UNC5D: variants seen among roughly 807,000 people sequenced by gnomAD.
UNC5D encodes the protein unc-5 netrin receptor D.
In UNC5D, 39 loss-of-function variants were observed where a neutral mutation model predicts 105.4. That is an observed-to-expected ratio of 0.37 (90% CI 0.29 to 0.48). UNC5D has a LOEUF of 0.48. UNC5D is among the 20% of genes least tolerant of loss of function. UNC5D has a pLI of 0.98. For missense variants in UNC5D, 991 were observed against 1,202.4 expected (o/e 0.82, Z 2.60); for synonymous variants, 452 against 450.4 (o/e 1.00, Z -0.04).
At chr8:35,741,161 A>C (rs1829739956) in intron 11 of UNC5D, among the ~76,000 whole-genome samples, 1 of 152,198 alleles carries the variant, frequency 6.6e-6, no homozygotes, top group South Asian at 2.1e-4. Flanking sequence ...GGTGATTTAC[A>C]CATGATTTGT....
chr8:35,273,653 A>T (rs1042843230), intron 1 of UNC5D, among the ~76,000 whole-genome samples: 2 of 152,206 alleles, frequency 1.3e-5, no homozygotes, highest in African/African-American at 4.8e-5. Flanking sequence ...GCTGAAACTC[A>T]GGAAAAAGAT....
At chr8:35,420,847 TA>T (rs1260573046) in intron 1 of UNC5D, among the ~76,000 whole-genome samples, 1 of 151,912 alleles carries the variant, frequency 6.6e-6, no homozygotes, top group Non-Finnish European at 1.5e-5. Context: ...AGGAGAACTA[TA>T]AAAAAATCAT....
chr8:35,388,933 A>C (rs1348653908), intron 1 of UNC5D, among the ~76,000 whole-genome samples: 1 of 152,216 alleles, frequency 6.6e-6, no homozygotes, highest in African/African-American at 2.4e-5. Context: ...TTGAAAGCCT[A>C]AGGTTTCCTA....
intron 1 of UNC5D, chr8:35,256,422 C>T (rs1804077646): frequency 6.6e-6 from 1 of 152,014 alleles, no homozygotes; most frequent in African/African-American, 2.4e-5. Flanking sequence ...CACCCATTAA[C>T]CCGTCATCTA....
intron 1 of UNC5D, among the ~76,000 whole-genome samples, chr8:35,332,747 C>T (rs184269427): frequency 5.3e-5 from 8 of 152,160 alleles, no homozygotes; most frequent in Non-Finnish European, 1.2e-4. Context: ...GTGCTAAATG[C>T]GTGCCGGTCC....
At chr8:35,681,338 T>A (rs1034636946) in intron 4 of UNC5D, among the ~76,000 whole-genome samples, 2 of 152,232 alleles carry the variant, frequency 1.3e-5, no homozygotes, top group Admixed American at 6.5e-5. Flanking sequence ...GTGGATTTAC[T>A]TATATTTCTA....
intron 3 of UNC5D, among the ~76,000 whole-genome samples, chr8:35,570,488 C>A (rs1817641086): frequency 6.6e-6 from 1 of 152,118 alleles, no homozygotes; most frequent in Admixed American, 6.5e-5. Flanking sequence ...ATTTGATTCT[C>A]CACCACCATC....
intron 1 of UNC5D, among the ~76,000 whole-genome samples, chr8:35,413,956 A>T (rs1391189643): frequency 2.6e-5 from 4 of 152,092 alleles, no homozygotes; most frequent in Non-Finnish European, 1.5e-5. Flanking sequence ...GAGGGCTTTT[A>T]AAAAAGACTT....
In UNC5D at chr8:35,792,358, G is replaced by T. The variant is rs1803082402; in HGVS notation, c.*1795G>T. The stretch of plus-strand genomic sequence containing the variant: ...GTGGTATGTATGGTCCCCTATATTA[G>T]ATAGAAGTCTTTGCTACATGTAATT... On this transcript the variant is annotated 3_prime_UTR_variant, in exon 17 of 17. Transcript: ENST00000404895. 1 of 152,242 alleles carries T rather than the reference G, an allele frequency of 6.6e-6. No homozygotes were observed. Among genetic ancestry groups the T allele is most frequent in the Non-Finnish European group, 1.5e-5 (1 of 68,174 alleles). The allele number at this position is 152,242 out of a possible 1,614,324, so 9.4% of individuals were successfully genotyped here. A position where few individuals can be genotyped will look rare whatever the true frequency, so the allele number is the denominator to read the frequency against.
chr8:35,620,621 C>T (rs1821308546), intron 4 of UNC5D, among the ~76,000 whole-genome samples: 3 of 152,136 alleles, frequency 2.0e-5, no homozygotes, highest in Admixed American at 2.0e-4. Flanking sequence ...TATGGTTTAC[C>T]TTATCTCCTG....
chr8:35,739,580 T>C (rs1261091056), intron 11 of UNC5D, among the ~76,000 whole-genome samples: 1 of 152,176 alleles, frequency 6.6e-6, no homozygotes, highest in African/African-American at 2.4e-5. Flanking sequence ...ATTGACAAGA[T>C]AACAATGGTT....
intron 10 of UNC5D, among the ~76,000 whole-genome samples, chr8:35,729,406 G>C (rs1317106094): frequency 6.6e-6 from 1 of 152,102 alleles, no homozygotes; most frequent in Non-Finnish European, 1.5e-5. Context: ...TGCTACACGA[G>C]TGGCATTGTG....
chr8:35,680,208 A>G (rs936948072), intron 4 of UNC5D, among the ~76,000 whole-genome samples: 3 of 152,200 alleles, frequency 2.0e-5, no homozygotes, highest in South Asian at 2.1e-4. Context: ...GGTATCAAAC[A>G]GTAGGTAAAA....
chr8:35,396,517 G>A (rs1804111487), intron 1 of UNC5D, among the ~76,000 whole-genome samples: 1 of 150,608 alleles, frequency 6.6e-6, no homozygotes, highest in Non-Finnish European at 1.5e-5. Flanking sequence ...TTTCCCGGGA[G>A]ACAAAAACCT....
chr8:35,625,020 A>T (rs550480394), intron 4 of UNC5D, among the ~76,000 whole-genome samples: 5 of 152,344 alleles, frequency 3.3e-5, no homozygotes, highest in African/African-American at 1.2e-4. Flanking sequence ...ATATGTGTGT[A>T]TGAATCTGAG....
intron 9 of UNC5D, chr8:35,724,071 T>C: frequency 3.0e-6 from 4 of 1,316,822 alleles, no homozygotes; most frequent in Non-Finnish European, 3.9e-6. Context: ...TAGTACAGGA[T>C]GCCAGCGTGT....
At chr8:35,688,512 C>A (rs1826175786) in intron 7 of UNC5D, among the ~76,000 whole-genome samples, 1 of 152,248 alleles carries the variant, frequency 6.6e-6, no homozygotes, top group South Asian at 2.1e-4. Flanking sequence ...TTTGCTAGTA[C>A]AAGCACTGAT....
chr8:35,569,944 C>G (rs1226739592), intron 3 of UNC5D, among the ~76,000 whole-genome samples: 1 of 152,108 alleles, frequency 6.6e-6, no homozygotes, highest in Non-Finnish European at 1.5e-5. Context: ...CTCTGAACTA[C>G]TGTAAATAGC....
chr8:35,724,141 G>A, intron 9 of UNC5D: 3 of 1,437,058 alleles, frequency 2.1e-6, no homozygotes, highest in Non-Finnish European at 2.7e-6. Context: ...CCTGTCTGGG[G>A]AGTGCTGACT....
Sources: allele counts gnomAD v4.1 joint callset (sites outside exome capture counted in the v4.1 genomes callset), GRCh38; gene constraint gnomAD v4.1.1; transcripts MANE v1.5; gene names NCBI Gene and HGNC (gene_info 2026-07-23, HGNC 2026-07-21).